The following CA10 variants were observed in gnomAD, a reference collection of about 807,000 sequenced individuals.
CA10 encodes the protein carbonic anhydrase-related protein 10.
CA10 carries 14 observed loss-of-function variants against 44.2 expected under a neutral mutation model. That is an observed-to-expected ratio of 0.32 (90% CI 0.21 to 0.50). CA10 has a LOEUF of 0.50. Ranked by LOEUF, CA10 falls within the 20% of genes least tolerant of loss-of-function variation. The probability of loss-of-function intolerance (pLI) is 0.99; values close to 1 mark genes in which losing one functional copy is unlikely to be tolerated. For missense variants in CA10, 350 were observed against 409.7 expected (o/e 0.85, Z 1.26); for synonymous variants, 159 against 141.6 (o/e 1.12, Z -0.87).
At chr17:52,089,067 T>A (rs942616694) in intron 1 of CA10, among the ~76,000 whole-genome samples, 1 of 152,176 alleles carries the variant, frequency 6.6e-6, no homozygotes, top group Non-Finnish European at 1.5e-5. Flanking sequence ...ACAGGCAGGA[T>A]CATGTAATCA....
chr17:51,966,975 A>G (rs910663341), intron 2 of CA10, among the ~76,000 whole-genome samples: 2 of 151,962 alleles, frequency 1.3e-5, no homozygotes, highest in African/African-American at 4.8e-5. Flanking sequence ...AAGGTCTAAT[A>G]TCTAGAATCT....
At chr17:52,144,778 T>G (rs1989549491) in intron 1 of CA10, among the ~76,000 whole-genome samples, 1 of 152,194 alleles carries the variant, frequency 6.6e-6, no homozygotes, top group Admixed American at 6.5e-5. Flanking sequence ...TTGCTCAACG[T>G]GTCTTTTATT....
At chr17:51,980,259 A>G (rs1045918374) in intron 2 of CA10, among the ~76,000 whole-genome samples, 8 of 151,980 alleles carry the variant, frequency 5.3e-5, no homozygotes, top group African/African-American at 1.5e-4. Flanking sequence ...TGTGGTTTTC[A>G]TTTGCATTTC....
At chr17:52,009,534 G>T (rs1310640182) in intron 2 of CA10, among the ~76,000 whole-genome samples, 3 of 151,896 alleles carry the variant, frequency 2.0e-5, no homozygotes, top group Admixed American at 6.6e-5. Context: ...CTTTTAACAA[G>T]AATCAACCCC....
chr17:51,686,670 G>C (rs1306091373), intron 4 of CA10, among the ~76,000 whole-genome samples: 3 of 152,096 alleles, frequency 2.0e-5, no homozygotes, highest in Non-Finnish European at 4.4e-5. Flanking sequence ...TTGAGATTAA[G>C]TTGCCCACTT....
At chr17:51,760,633 A>G (rs150440259) in intron 3 of CA10, among the ~76,000 whole-genome samples, 1 of 152,340 alleles carries the variant, frequency 6.6e-6, no homozygotes, top group East Asian at 1.9e-4. Flanking sequence ...TATTGTTTGA[A>G]TTTTAAAAAT....
intron 2 of CA10, among the ~76,000 whole-genome samples, chr17:52,055,611 GAAACTGA>G: frequency 6.6e-6 from 1 of 152,144 alleles, no homozygotes; most frequent in South Asian, 2.1e-4. Context: ...AATGTATTGT[GAAACTGA>G]TATATTATTG....
chr17:52,137,111 A>T (rs1212902641), intron 1 of CA10, among the ~76,000 whole-genome samples: 1 of 151,278 alleles, frequency 6.6e-6, no homozygotes, highest in Non-Finnish European at 1.5e-5. Flanking sequence ...TTTCACACAC[A>T]CTTGTGAGTC....
At chr17:51,789,161 G>A (rs1175534040) in intron 3 of CA10, among the ~76,000 whole-genome samples, 3 of 151,962 alleles carry the variant, frequency 2.0e-5, no homozygotes, top group East Asian at 1.9e-4. Context: ...AACTACAAGC[G>A]TGCGCCACCA....
chr17:51,868,502 C>G (rs1409639601), intron 3 of CA10, among the ~76,000 whole-genome samples: 2 of 152,158 alleles, frequency 1.3e-5, no homozygotes, highest in African/African-American at 4.8e-5. Flanking sequence ...CAGAACTGAC[C>G]TTATTTTACA....
chr17:51,667,609 G>C (rs1197941657), intron 4 of CA10, among the ~76,000 whole-genome samples: 1 of 151,722 alleles, frequency 6.6e-6, no homozygotes, highest in Non-Finnish European at 1.5e-5. Context: ...CATCCTTCCT[G>C]CTGCACTCTG....
At chr17:52,037,225 T>A (rs1427712933) in intron 2 of CA10, among the ~76,000 whole-genome samples, 1 of 152,152 alleles carries the variant, frequency 6.6e-6, no homozygotes, top group Non-Finnish European at 1.5e-5. Flanking sequence ...AAGTGAAATA[T>A]CACCCTGCAA....
intron 4 of CA10, among the ~76,000 whole-genome samples, chr17:51,704,765 C>G (rs1430384837): frequency 6.6e-6 from 1 of 152,096 alleles, no homozygotes; most frequent in Non-Finnish European, 1.5e-5. Context: ...GAGTTCAAGA[C>G]CAGCCTGGCC....
At chr17:51,783,581 G>A (rs532657208) in intron 3 of CA10, among the ~76,000 whole-genome samples, 1 of 152,102 alleles carries the variant, frequency 6.6e-6, no homozygotes, top group South Asian at 2.1e-4. Context: ...ACTGAGGCAG[G>A]CAAGGAGAAT....
At chr17:51,641,814 G>T (rs1387159676) in intron 6 of CA10, among the ~76,000 whole-genome samples, 2 of 151,946 alleles carry the variant, frequency 1.3e-5, no homozygotes, top group Non-Finnish European at 2.9e-5. Context: ...CATTTAACAG[G>T]CAGCCTCTGT....
intron 2 of CA10, among the ~76,000 whole-genome samples, chr17:52,000,095 A>C (rs964881310): frequency 2.6e-5 from 4 of 152,064 alleles, no homozygotes; most frequent in African/African-American, 9.7e-5. Context: ...CAAAATAGGC[A>C]ATTTGCATTT....
At chr17:51,663,249 T>TGA (rs748832885) in intron 4 of CA10, among the ~76,000 whole-genome samples, 150,729 of 150,732 alleles carry the variant, frequency 1, 75,363 homozygotes, top group Middle Eastern at 1. Context: ...TTTTTCTCGA[T>TGA]TCCTTCCCCA....
intron 4 of CA10, among the ~76,000 whole-genome samples, chr17:51,710,871 G>C (rs971519603): frequency 1.3e-5 from 2 of 150,916 alleles, no homozygotes; most frequent in Non-Finnish European, 2.9e-5. Context: ...TGCAATCATG[G>C]GACCAACTAA....
intron 3 of CA10, among the ~76,000 whole-genome samples, chr17:51,929,131 A>T (rs1706429479): frequency 6.6e-6 from 1 of 152,218 alleles, no homozygotes; most frequent in Admixed American, 6.5e-5. Context: ...AAACAAAAAA[A>T]AACCCAAGTC....
Sources: gnomAD v4.1 joint callset for allele counts (sites outside exome capture counted in the v4.1 genomes callset) on GRCh38, gnomAD v4.1.1 for gene constraint, MANE v1.5 for transcripts, NCBI Gene and HGNC (gene_info 2026-07-23, HGNC 2026-07-21) for gene names.